Variants in BTK observed in about 807,000 individuals in gnomAD.
The protein encoded by BTK is Bruton tyrosine kinase.
BTK carries 5 observed loss-of-function variants against 57.4 expected under a neutral mutation model. That is an observed-to-expected ratio of 0.09 (90% CI 0.05 to 0.18). The LOEUF (loss-of-function observed/expected upper bound fraction) is 0.18. Among genes scored for constraint, BTK ranks in the 10% least tolerant of loss-of-function variants. The pLI, the probability that BTK is intolerant of heterozygous loss-of-function variation, is 1.00. For missense variants in BTK, 194 were observed against 501.2 expected (o/e 0.39, Z 5.85); for synonymous variants, 154 against 174.3 (o/e 0.88, Z 0.92).
At position 101,357,539 on chromosome X, in the gene BTK, T is replaced by C; in HGVS notation, c.1147A>G (p.Asn383Asp). The C allele has an allele frequency of 8.3e-7, 1 of 1,210,703 alleles. No homozygotes were observed. ...CCCAGGCCTGCAGTGGAAGGTGCAT[T>C]CTTGTTTTGTTGAGACACTGGATAT... ...LKYPVSQQNK[N>D]APSTAGLGYG... The change falls in exon 13 of 19, where the codon AAT becomes GAT. Residue 383 changes from asparagine (N) to aspartate (D), a missense_variant. Physicochemically the swap from Asn to Asp is conservative, Grantham distance 23 (BLOSUM62 1). This residue lies in a region of BTK where 79 missense variants were observed against 217.7 expected (regional missense o/e 0.36). Transcript: ENST00000308731.
chrX:101,381,006 C>T (rs1461744720), intron 1 of BTK, among the ~76,000 whole-genome samples: 2 of 55,493 alleles, frequency 3.6e-5, no homozygotes, highest in African/African-American at 8.2e-5. Context: ...AACTCGGTCG[C>T]GAAAAAAAAA....
In BTK at chrX:101,356,285, G is replaced by T. The variant is rs563329397; in HGVS notation, c.1350-17C>A. 16 of 1,189,442 alleles carry T rather than the reference G, an allele frequency of 1.3e-5. No homozygotes were observed. In the Admixed American group the frequency reaches 3.3e-4, roughly 25 times the overall value. On this transcript the variant is annotated splice_polypyrimidine_tract_variant and intron_variant, in intron 14 of 18. Coordinates refer to ENST00000308731, the MANE Select transcript of BTK (RefSeq NM_000061.3). ...GAAAGATTCCTACAGGAAAGGCAAG[G>T]AACTAGTCTTCTCCTTTTGGCTCTG... is the stretch of plus-strand genomic sequence containing the variant.
chrX:101,352,195 C>T (rs782178940), intron 18 of BTK, among the ~76,000 whole-genome samples: 5 of 110,515 alleles, frequency 4.5e-5, no homozygotes, highest in African/African-American at 1.7e-4. Flanking sequence ...CATTTAGGAC[C>T]TCAGCCAGAA....
chrX:101,360,247 A>G, intron 8 of BTK, 97 bp from the exon 9 acceptor site: 1 of 639,110 alleles, frequency 1.6e-6, no homozygotes, highest in East Asian at 3.3e-5. Context: ...ACAAATCTCA[A>G]ATGGAGGTAT....
intron 7 of BTK, 75 bp from the exon 8 acceptor site, chrX:101,360,830 G>C: frequency 5.8e-6 from 6 of 1,026,118 alleles, no homozygotes; most frequent in Non-Finnish European, 8.2e-6. Flanking sequence ...CAACTCTCTG[G>C]CTTACTCAAG....
chrX:101,383,257 G>A (rs1402450163), intron 1 of BTK, among the ~76,000 whole-genome samples: 5 of 110,711 alleles, frequency 4.5e-5, no homozygotes, highest in Non-Finnish European at 9.4e-5. Context: ...CCATCCATCC[G>A]TTCAAGGTAC....
At chrX:101,380,209 C>T (rs933251697) in intron 1 of BTK, among the ~76,000 whole-genome samples, 5 of 111,474 alleles carry the variant, frequency 4.5e-5, no homozygotes, top group African/African-American at 9.8e-5. Context: ...TGGGCTCAAG[C>T]GATCCTCCTG....
intron 18 of BTK, among the ~76,000 whole-genome samples, chrX:101,352,044 T>C (rs1235825720): frequency 9.3e-6 from 1 of 107,720 alleles, no homozygotes; most frequent in Non-Finnish European, 1.9e-5. Flanking sequence ...GCCCCTGTAG[T>C]CCCAGCTACT....
intron 7 of BTK, 151 bp from the exon 8 acceptor site, chrX:101,360,906 T>G: frequency 1.8e-6 from 1 of 559,258 alleles, no homozygotes. Context: ...TAAGCACCAG[T>G]GCAGGAGTTC....
upstream of BTK, among the ~76,000 whole-genome samples, chrX:101,389,515 C>T (rs1927719023): frequency 9.0e-6 from 1 of 111,332 alleles, no homozygotes; most frequent in East Asian, 2.8e-4. Context: ...TTATCTCATT[C>T]CCAGAGACCA....
chrX:101,362,024 T>C, intron 7 of BTK, 149 bp downstream of exon 7: 1 of 604,564 alleles, frequency 1.7e-6, no homozygotes, highest in Non-Finnish European at 2.8e-6. Context: ...GAGGAGGAAA[T>C]CCTAATTAGA....
Position 101,353,939 on chromosome X carries a change from C to T in BTK, c.1681G>A (p.Val561Ile). 1.7e-6 allele frequency: 2 copies of T among 1,211,377 alleles called. No homozygotes were observed. The highest frequency in any genetic ancestry group is 1.1e-6 in the Non-Finnish European group (1 of 894,870). The change falls in exon 17 of 19, where the codon GTC becomes ATC. Residue 561 changes from valine to isoleucine, a missense_variant. Coordinates refer to ENST00000308731, the MANE Select transcript of BTK (RefSeq NM_000061.3). ...AGGACTTCCGGTGGGGACCACCGGA[C>T]TGGAAATTTGGAGCCTACTGAGCTT... ...YTSSVGSKFPVRWSPPEVLMY... is the reference protein window; with the variant it reads ...YTSSVGSKFPIRWSPPEVLMY...
intron 1 of BTK, among the ~76,000 whole-genome samples, chrX:101,384,693 T>C (rs1194047813): frequency 9.0e-6 from 1 of 111,156 alleles, no homozygotes; most frequent in Non-Finnish European, 1.9e-5. Flanking sequence ...GCAGTTTAAA[T>C]AGTTTGAATA....
intron 15 of BTK, chrX:101,355,842 A>T (rs908574646): frequency 4.3e-6 from 2 of 465,218 alleles, no homozygotes; most frequent in Non-Finnish European, 3.8e-6. Flanking sequence ...GACTGCTCTG[A>T]TTCCCACCAC....
chrX:101,373,191 C>T (rs1267091430), intron 3 of BTK, among the ~76,000 whole-genome samples: 2 of 111,136 alleles, frequency 1.8e-5, no homozygotes, highest in East Asian at 5.6e-4. Context: ...TTCAATTCCA[C>T]TTCTAGAAAA....
At chrX:101,359,132 C>T (rs1394750805) in intron 10 of BTK, among the ~76,000 whole-genome samples, 161 bp downstream of exon 10, 9 of 111,404 alleles carry the variant, frequency 8.1e-5, no homozygotes, top group African/African-American at 2.9e-4. Context: ...ACCGAGAGTC[C>T]GTCTCAGAAA....
intron 1 of BTK, among the ~76,000 whole-genome samples, chrX:101,379,803 AGCTCTTTCCTCT>A (rs1927352299): frequency 8.9e-6 from 1 of 112,092 alleles, no homozygotes; most frequent in East Asian, 2.8e-4. Flanking sequence ...CAAGATCCTA[AGCTCTTTCCTCT>A]GCAATATTCC....
At chrX:101,389,127 C>T (rs1927705477), upstream of BTK, among the ~76,000 whole-genome samples, 1 of 111,408 alleles carries the variant, frequency 9.0e-6, no homozygotes, top group African/African-American at 3.3e-5. Context: ...TCCTCACCAC[C>T]CCCATGGTAA....
At chrX:101,355,665 GC>G (rs1241526912) in intron 15 of BTK, 1 of 206,600 alleles carries the variant, frequency 4.8e-6, no homozygotes, top group Admixed American at 6.3e-5. Flanking sequence ...ACACATGTGG[GC>G]CAAATGCATC....
Sources: allele counts gnomAD v4.1 joint callset (sites outside exome capture counted in the v4.1 genomes callset), GRCh38; gene constraint gnomAD v4.1.1; regional missense constraint gnomAD v4.1.1; transcripts MANE v1.5; gene names NCBI Gene and HGNC (gene_info 2026-07-23, HGNC 2026-07-21).